SLC35F6: variants seen among roughly 807,000 people sequenced by gnomAD.
SLC35F6 encodes ANT2-binding protein.
SLC35F6 carries 26 observed loss-of-function variants against 29.4 expected under a neutral mutation model. That is an observed-to-expected ratio of 0.89 (90% CI 0.65 to 1.23). The LOEUF is 1.23. SLC35F6 is among the 50% of genes most tolerant of loss of function. SLC35F6 has a pLI of 0.00. For synonymous variants in SLC35F6, 174 were observed against 206.6 expected, an observed-to-expected ratio of 0.84 and a Z score of 1.35; for missense variants, 428 against 487.8, an observed-to-expected ratio of 0.88 and a Z score of 1.15.
At position 26,778,305 on chromosome 2, in the gene SLC35F6, T is replaced by A. The variant is rs1304168690; in HGVS notation, c.910T>A (p.Trp304Arg). 1 of 1,614,224 alleles carries A rather than the reference T, an allele frequency of 6.2e-7. No homozygotes were observed. Among genetic ancestry groups the A allele is most frequent in the Non-Finnish European group, 8.5e-7 (1 of 1,180,034 alleles). ...GGACAGCTTGCGCACCGTTGTCATC[T>A]GGGCACTGAGCCTGGCACTGGGCTG... The part of the protein sequence containing the change: ...VLDSLRTVVI[W>R]ALSLALGWEA... The change falls in exon 6 of 6, where the codon TGG becomes AGG. Residue 304 changes from tryptophan to arginine, a missense_variant. Transcript: ENST00000344420.
At chr2:26,774,838 T>C (rs931063185) in intron 2 of SLC35F6, among the ~76,000 whole-genome samples, 2 of 152,118 alleles carry the variant, frequency 1.3e-5, no homozygotes, top group African/African-American at 2.4e-5. Context: ...CTGCACAGCC[T>C]TAGGGTTCAT....
At chr2:26,767,462 G>T (rs998115824) in intron 1 of SLC35F6, among the ~76,000 whole-genome samples, 1 of 152,240 alleles carries the variant, frequency 6.6e-6, no homozygotes, top group Admixed American at 6.5e-5. Flanking sequence ...ATCTGAGCAC[G>T]TGCTGCCTGC....
intron 4 of SLC35F6, 62 bp from the exon 5 acceptor site, chr2:26,776,310 G>A: frequency 6.6e-7 from 1 of 1,510,606 alleles, no homozygotes. Context: ...CTGTGGCCAT[G>A]CTCTCCTGGC....
chr2:26,764,928 A>C, intron 1 of SLC35F6: 10 of 985,436 alleles, frequency 1.0e-5, no homozygotes, highest in Non-Finnish European at 1.2e-5. Context: ...AATGTGTCTG[A>C]GACTGTAAGT....
intron 1 of SLC35F6, among the ~76,000 whole-genome samples, chr2:26,767,398 A>G (rs946473007): frequency 2.0e-5 from 3 of 152,172 alleles, no homozygotes; most frequent in Non-Finnish European, 4.4e-5. Context: ...GACAAGAGTG[A>G]TGTTTCCCTT....
At chr2:26,774,411 T>G in intron 2 of SLC35F6, 88 bp downstream of exon 2, 1 of 1,455,402 alleles carries the variant, frequency 6.9e-7, no homozygotes, top group Non-Finnish European at 9.5e-7. Context: ...GTTTCCTGAC[T>G]TAGGAGTGGA....
In SLC35F6 at chr2:26,779,444, C is replaced by G. The variant is rs1372210251; in HGVS notation, c.*933C>G. On this transcript the variant is annotated 3_prime_UTR_variant, in exon 6 of 6. Coordinates refer to ENST00000344420, the MANE Select transcript of SLC35F6 (RefSeq NM_017877.4). The stretch of plus-strand genomic sequence containing the variant: ...CATTCCATGGGCCTGTGATCTTGAC[C>G]AACCTGAGAAAACAGTAACAGCCCA... 1 of 152,206 alleles carries G rather than the reference C, an allele frequency of 6.6e-6. No homozygotes were observed. Among genetic ancestry groups the G allele is most frequent in the Non-Finnish European group, 1.5e-5 (1 of 68,072 alleles). The allele number at this position is 152,206 out of a possible 1,614,324, so 9.4% of individuals were successfully genotyped here. A position where few individuals can be genotyped will look rare whatever the true frequency, so the allele number is the denominator to read the frequency against.
At position 26,776,320 on chromosome 2, in the gene SLC35F6, C is replaced by G. The variant is rs538277295; in HGVS notation, c.536-52C>G. ...GGTCGCTGTGGCCATGCTCTCCTGG[C>G]CCCCAGCCCCAGTGCAGCCCTGTTC... On this transcript the variant is annotated intron_variant, in intron 4 of 5. Coordinates refer to ENST00000344420, the MANE Select transcript of SLC35F6 (RefSeq NM_017877.4). 2.6e-6 allele frequency: 4 copies of G among 1,554,534 alleles called. No individual in the cohort carries two copies. The Admixed American group carries it at 6.7e-5, about 26-fold the overall frequency.
At chr2:26,773,682 G>A (rs1263279542) in intron 1 of SLC35F6, among the ~76,000 whole-genome samples, 1 of 148,428 alleles carries the variant, frequency 6.7e-6, no homozygotes, top group Non-Finnish European at 1.5e-5. Flanking sequence ...GTGCAATATC[G>A]GCTCACTGCA....
In SLC35F6 at chr2:26,775,825, G is replaced by A. The variant is rs1204564346; in HGVS notation, c.535+149G>A. The A allele has an allele frequency of 2.1e-6, 2 of 955,374 alleles. No individual in the cohort carries two copies. Among genetic ancestry groups the A allele is most frequent in the Non-Finnish European group, 3.0e-6 (2 of 660,866 alleles). 59.2% of individuals were successfully genotyped at this position (955,374 alleles called of 1,614,324 possible). The stretch of plus-strand genomic sequence containing the variant: ...CTGGAGGTGATGGATAGAATGTAGG[G>A]AAGACTGCAAAGGGATGTGGCTCCA... On this transcript the variant is annotated intron_variant, in intron 4 of 5. Coordinates refer to ENST00000344420, the MANE Select transcript of SLC35F6 (RefSeq NM_017877.4). The surrounding 1 kb of genome is among the most constrained non-coding windows in gnomAD (Gnocchi z 4.6).
chr2:26,775,175 A>G lies in SLC35F6; in HGVS notation c.282A>G (p.Pro94=). Residue 94 remains proline (P), a synonymous_variant, in exon 3 of 6, where the codon CCA becomes CCG. Transcript: ENST00000344420. The surrounding 1 kb of genome is among the most constrained non-coding windows in gnomAD (Gnocchi z 4.6). ...QPFNPLLFLP[P]ALCDMTGTSL... ...TCAACCCTCTTCTTTTCCTGCCCCC[A>G]GCGCTCTGTGACATGACAGGGACCA... is the stretch of plus-strand genomic sequence containing the variant. The G allele has an allele frequency of 6.2e-7, 1 of 1,613,912 alleles. No homozygotes were observed. Among genetic ancestry groups the G allele is most frequent in the Non-Finnish European group, 8.5e-7 (1 of 1,179,986 alleles).
At chr2:26,768,364 C>CTT (rs60323100) in intron 1 of SLC35F6, among the ~76,000 whole-genome samples, 4 of 137,162 alleles carry the variant, frequency 2.9e-5, no homozygotes, top group African/African-American at 2.8e-5. Context: ...GGAAGGTTTC[C>CTT]TTTTTTTTTT....
At chr2:26,768,379 T>C (rs1664132586) in intron 1 of SLC35F6, among the ~76,000 whole-genome samples, 1 of 151,458 alleles carries the variant, frequency 6.6e-6, no homozygotes, top group African/African-American at 2.4e-5. Flanking sequence ...TTTTTTTTTT[T>C]TGAGACGGAG....
intron 1 of SLC35F6, chr2:26,764,964 AT>A: frequency 1.0e-6 from 1 of 985,476 alleles, no homozygotes; most frequent in Non-Finnish European, 1.2e-6. Context: ...GAAAGGCCAG[AT>A]CAAAGTCGAT....
intron 1 of SLC35F6, chr2:26,764,864 C>A: frequency 7.1e-6 from 7 of 985,336 alleles, no homozygotes; most frequent in Non-Finnish European, 8.4e-6. Flanking sequence ...TGCCCCACGG[C>A]CCCTCAAGGA....
At position 26,780,312 on chromosome 2, in the gene SLC35F6, A is replaced by C. The variant is rs1664385474; in HGVS notation, c.*1801A>C. On this transcript the variant is annotated 3_prime_UTR_variant, in exon 6 of 6. Transcript: ENST00000344420. ...GGAGTCTCCTACCCTCAGCTCCTGCAAGGACCTGGGGGACCCCCAGGTCCA... is the reference window on the plus strand; with the variant it reads ...GGAGTCTCCTACCCTCAGCTCCTGCCAGGACCTGGGGGACCCCCAGGTCCA... The C allele has an allele frequency of 6.6e-6, 1 of 152,040 alleles. No homozygotes were observed. Among genetic ancestry groups the C allele is most frequent in the African/African-American group, 2.4e-5 (1 of 41,396 alleles). 9.4% of individuals were successfully genotyped at this position (152,040 alleles called of 1,614,324 possible). A position where few individuals can be genotyped will look rare whatever the true frequency, so the allele number is the denominator to read the frequency against.
intron 1 of SLC35F6, among the ~76,000 whole-genome samples, chr2:26,770,595 G>A (rs1233657989): frequency 2.0e-5 from 3 of 152,046 alleles, no homozygotes; most frequent in Non-Finnish European, 4.4e-5. Flanking sequence ...GTGGGTGCCC[G>A]TAATCCCAGC....
intron 1 of SLC35F6, among the ~76,000 whole-genome samples, chr2:26,770,314 G>A (rs1308519753): frequency 6.6e-6 from 1 of 152,168 alleles, no homozygotes; most frequent in Non-Finnish European, 1.5e-5. Context: ...GCTGAGGTGA[G>A]AGGATCATAT....
intron 1 of SLC35F6, among the ~76,000 whole-genome samples, chr2:26,765,186 C>G (rs1320293626): frequency 6.6e-6 from 1 of 152,202 alleles, no homozygotes; most frequent in East Asian, 1.9e-4. Flanking sequence ...CAACTGGTGG[C>G]AGAGACCAGG....
Sources: allele counts gnomAD v4.1 joint callset (sites outside exome capture counted in the v4.1 genomes callset), GRCh38; gene constraint gnomAD v4.1.1; non-coding constraint Gnocchi (gnomAD v3.1); transcripts MANE v1.5; gene names NCBI Gene and HGNC (gene_info 2026-07-23, HGNC 2026-07-21).